The following CADM2 variants were observed in gnomAD, a reference collection of about 807,000 sequenced individuals.
CADM2 encodes immunoglobulin superfamily member 4D.
Under a neutral mutation model 49.8 loss-of-function variants are expected in CADM2, and 12 were observed. The observed-to-expected ratio is 0.24, with a 90% CI of 0.15 to 0.39. The LOEUF (loss-of-function observed/expected upper bound fraction) is 0.39. Among genes scored for constraint, CADM2 ranks in the 10% least tolerant of loss-of-function variants. The pLI is 1.00. For missense variants in CADM2, 378 were observed against 492.3 expected, an observed-to-expected ratio of 0.77 and a Z score of 2.20; for synonymous variants, 214 against 175.4, an observed-to-expected ratio of 1.22 and a Z score of -1.74.
chr3:85,158,017 A>C lies in CADM2; in HGVS notation c.61+198349A>C, dbSNP rs137968917. 4.8e-3 allele frequency among the ~76,000 whole-genome samples: 733 copies of C among 152,352 alleles called. 5 individuals are homozygous for C. Among genetic ancestry groups the C allele is most frequent in the African/African-American group, 0.017 (697 of 41,586 alleles). On this transcript the variant is annotated intron_variant, in intron 1 of 9. Transcript: ENST00000383699. ...AAGAAAAAAACAAACAATCCCATCA[A>C]AAAGTCGGCGAAGGACATGAACAGA...
At chr3:85,807,097 C>T (rs974209656) in intron 3 of CADM2, among the ~76,000 whole-genome samples, 5 of 152,132 alleles carry the variant, frequency 3.3e-5, no homozygotes, top group East Asian at 1.9e-4. Context: ...GGCATTTGGA[C>T]GCCATGTCAT....
At chr3:85,085,738 A>G (rs901870264) in intron 1 of CADM2, among the ~76,000 whole-genome samples, 1 of 152,188 alleles carries the variant, frequency 6.6e-6, no homozygotes, top group Non-Finnish European at 1.5e-5. Flanking sequence ...CACAAACTAC[A>G]CAAAGCAAAG....
At chr3:85,016,346 T>C (rs990463286) in intron 1 of CADM2, among the ~76,000 whole-genome samples, 4 of 152,184 alleles carry the variant, frequency 2.6e-5, no homozygotes, top group African/African-American at 9.6e-5. Context: ...GCCTCAGCAA[T>C]TGGGATGACC....
chr3:86,068,704 G>C lies in CADM2; in HGVS notation c.*1921G>C, dbSNP rs1020342035. On this transcript the variant is annotated 3_prime_UTR_variant, in exon 10 of 10. Transcript: ENST00000383699. ...TTACAAAAGAAAAAGGACGATGTCA[G>C]TCAAGCAGCACTTTTTCAGAATATA... is the stretch of plus-strand genomic sequence containing the variant. 2 of 152,362 alleles carry C rather than the reference G, an allele frequency of 1.3e-5. No homozygotes were observed. Among genetic ancestry groups the C allele is most frequent in the African/African-American group, 4.8e-5 (2 of 41,422 alleles). The allele number at this position is 152,362 out of a possible 1,614,324, so 9.4% of individuals were successfully genotyped here.
At chr3:85,618,680 CA>C (rs2107479070) in intron 1 of CADM2, among the ~76,000 whole-genome samples, 1 of 152,112 alleles carries the variant, frequency 6.6e-6, no homozygotes, top group African/African-American at 2.4e-5. Context: ...GTATAATACA[CA>C]TATTATACTA....
chr3:85,170,564 C>G (rs72907191), intron 1 of CADM2, among the ~76,000 whole-genome samples: 1 of 152,104 alleles, frequency 6.6e-6, no homozygotes, highest in Non-Finnish European at 1.5e-5. Flanking sequence ...TCTCAAACTC[C>G]CAACCTCAAG....
intron 8 of CADM2, among the ~76,000 whole-genome samples, chr3:85,995,916 C>T (rs1480763498): frequency 1.3e-5 from 2 of 151,550 alleles, no homozygotes; most frequent in Admixed American, 6.6e-5. Context: ...GGTGAAACAC[C>T]GTCTCTATTA....
At chr3:85,680,953 C>T (rs1373993872) in intron 1 of CADM2, among the ~76,000 whole-genome samples, 1 of 152,042 alleles carries the variant, frequency 6.6e-6, no homozygotes. Context: ...TGAAAAAGAA[C>T]CAAATATATG....
At chr3:86,030,299 T>G (rs1210607409) in intron 8 of CADM2, among the ~76,000 whole-genome samples, 1 of 152,006 alleles carries the variant, frequency 6.6e-6, no homozygotes, top group African/African-American at 2.4e-5. Flanking sequence ...GTATGATTTT[T>G]ATGTTATAAA....
intron 1 of CADM2, among the ~76,000 whole-genome samples, chr3:85,592,362 C>A (rs930510583): frequency 2.0e-5 from 3 of 151,866 alleles, no homozygotes; most frequent in African/African-American, 7.2e-5. Context: ...AAGAAAAATG[C>A]AATACAGTTG....
At chr3:85,701,662 T>C (rs1468771885) in intron 1 of CADM2, among the ~76,000 whole-genome samples, 2 of 152,200 alleles carry the variant, frequency 1.3e-5, no homozygotes, top group African/African-American at 4.8e-5. Flanking sequence ...TCATAGATTC[T>C]ACATATTTAC....
chr3:85,556,354 A>G lies in CADM2; in HGVS notation c.62-170168A>G, dbSNP rs577114861. On this transcript the variant is annotated intron_variant, in intron 1 of 9. Transcript: ENST00000383699. ...GAAGAGGAGGTAGTCTTGCTGTCTC[A>G]AAGGTGGCACAGGTGGAAGAAAATC... 1.4e-4 allele frequency among the ~76,000 whole-genome samples: 21 copies of G among 152,252 alleles called. No homozygotes were observed. In the South Asian group the frequency reaches 4.1e-3, roughly 30 times the overall value.
At chr3:85,242,165 T>G (rs2042546524) in intron 1 of CADM2, among the ~76,000 whole-genome samples, 1 of 151,296 alleles carries the variant, frequency 6.6e-6, no homozygotes, top group Non-Finnish European at 1.5e-5. Flanking sequence ...GGTATAAAAC[T>G]TTTCTACTTA....
At chr3:85,871,411 G>T (rs1043319712) in intron 3 of CADM2, among the ~76,000 whole-genome samples, 2 of 152,014 alleles carry the variant, frequency 1.3e-5, no homozygotes, top group African/African-American at 2.4e-5. Context: ...TGAATATGAG[G>T]ATTAGTAATT....
At chr3:85,618,074 T>A (rs1418366492) in intron 1 of CADM2, among the ~76,000 whole-genome samples, 1 of 152,180 alleles carries the variant, frequency 6.6e-6, no homozygotes, top group Non-Finnish European at 1.5e-5. Flanking sequence ...AGGAGGAAAG[T>A]GTGTTAAAAA....
At chr3:85,309,868 C>T (rs2044303131) in intron 1 of CADM2, among the ~76,000 whole-genome samples, 1 of 152,172 alleles carries the variant, frequency 6.6e-6, no homozygotes, top group Non-Finnish European at 1.5e-5. Flanking sequence ...TGGCACCATG[C>T]CCTTGGCTTC....
Position 85,839,823 on chromosome 3 carries a change from T to A in CADM2, c.238+37627T>A, listed in dbSNP as rs1236364502. On this transcript the variant is annotated intron_variant, in intron 3 of 9. Transcript: ENST00000383699. ...TAAATGGCTATGTATTCTTTACAGA[T>A]CTTATAAAATAGTTCATTCAGTAAA... Among the ~76,000 whole-genome samples, 8 of 152,026 alleles carry A rather than the reference T, an allele frequency of 5.3e-5. No individual in the cohort carries two copies. In the East Asian group the frequency reaches 5.8e-4, roughly 11 times the overall value.
chr3:84,979,300 G>T (rs986059639), intron 1 of CADM2, among the ~76,000 whole-genome samples: 4 of 152,122 alleles, frequency 2.6e-5, no homozygotes, highest in African/African-American at 9.7e-5. Context: ...TTTGCTGCTT[G>T]TAAAATGGAG....
intron 3 of CADM2, among the ~76,000 whole-genome samples, chr3:85,860,096 T>C (rs997654745): frequency 6.6e-6 from 1 of 152,178 alleles, no homozygotes; most frequent in African/African-American, 2.4e-5. Context: ...GACATCTATA[T>C]ATAATTTATT....
Sources: gnomAD v4.1 joint callset for allele counts (sites outside exome capture counted in the v4.1 genomes callset) on GRCh38, gnomAD v4.1.1 for gene constraint, MANE v1.5 for transcripts, NCBI Gene and HGNC (gene_info 2026-07-23, HGNC 2026-07-21) for gene names.